TES: variants seen among roughly 807,000 people sequenced by gnomAD.
TES encodes the protein testin.
Under a neutral mutation model 48.2 loss-of-function variants are expected in TES, and 41 were observed. The observed-to-expected ratio is 0.85, with a 90% CI of 0.66 to 1.10. The LOEUF (loss-of-function observed/expected upper bound fraction) is 1.10, where lower values mean the gene tolerates loss of function less well. Among genes scored for constraint, TES ranks in the 50% least tolerant of loss-of-function variants. The pLI is 0.00. For missense variants in TES, 463 were observed against 515.1 expected (o/e 0.90, Z 0.98); for synonymous variants, 162 against 174.9 (o/e 0.93, Z 0.58).
chr7:116,218,626 A>T (rs1799521421), intron 1 of TES, among the ~76,000 whole-genome samples: 1 of 152,124 alleles, frequency 6.6e-6, no homozygotes, highest in Non-Finnish European at 1.5e-5. Context: ...TTAGATTTAA[A>T]ACTACAGACT....
chr7:116,218,562 TG>T (rs998699114), intron 1 of TES, among the ~76,000 whole-genome samples: 5 of 152,132 alleles, frequency 3.3e-5, no homozygotes. Flanking sequence ...TAAAAATAAC[TG>T]GGGGTTAAAA....
intron 1 of TES, chr7:116,222,941 T>C: frequency 1.0e-6 from 1 of 983,760 alleles, no homozygotes; most frequent in African/African-American, 1.7e-5. Flanking sequence ...TGTGACATTT[T>C]TATAGCCCTA....
chr7:116,246,946 C>CTTTTTTT (rs148032626), intron 2 of TES, among the ~76,000 whole-genome samples: 3 of 131,044 alleles, frequency 2.3e-5, no homozygotes, highest in African/African-American at 2.9e-5. Flanking sequence ...AGACTAGGCC[C>CTTTTTTT]CTTTTTTTTT....
intron 6 of TES, among the ~76,000 whole-genome samples, chr7:116,256,156 C>T (rs563233071): frequency 6.6e-6 from 1 of 152,234 alleles, no homozygotes; most frequent in African/African-American, 2.4e-5. Flanking sequence ...TAATCAGAAG[C>T]AATGTAACAA....
chr7:116,228,376 T>C (rs1302856788), intron 1 of TES, among the ~76,000 whole-genome samples: 2 of 152,222 alleles, frequency 1.3e-5, no homozygotes, highest in African/African-American at 4.8e-5. Context: ...GGACCTGTTT[T>C]CTTGGACGCT....
At chr7:116,224,738 T>A (rs2116581193) in intron 1 of TES, among the ~76,000 whole-genome samples, 1 of 152,282 alleles carries the variant, frequency 6.6e-6, no homozygotes, top group Non-Finnish European at 1.5e-5. Flanking sequence ...AGGTTTTGCC[T>A]AGGATGGAGG....
chr7:116,217,832 C>A (rs1584609056), intron 1 of TES: 1 of 517,094 alleles, frequency 1.9e-6, no homozygotes, highest in East Asian at 5.5e-5. Flanking sequence ...AAAAGAGCTG[C>A]CATTTAGCAT....
chr7:116,237,401 C>T (rs865996186), intron 2 of TES, among the ~76,000 whole-genome samples: 1 of 152,194 alleles, frequency 6.6e-6, no homozygotes, highest in Non-Finnish European at 1.5e-5. Flanking sequence ...TCCCACTGGA[C>T]TTCTTTTAGG....
At chr7:116,244,545 C>T (rs973586590) in intron 2 of TES, among the ~76,000 whole-genome samples, 3 of 152,356 alleles carry the variant, frequency 2.0e-5, no homozygotes, top group Non-Finnish European at 4.4e-5. Flanking sequence ...GCCCCTGTGG[C>T]TTTGCAAGGT....
chr7:116,224,650 G>C (rs896704300), intron 1 of TES, among the ~76,000 whole-genome samples: 2 of 151,972 alleles, frequency 1.3e-5, no homozygotes, highest in African/African-American at 4.8e-5. Context: ...ATCCCCTTGT[G>C]TGTGAATTTA....
Position 116,251,972 on chromosome 7 carries a change from CGAG to C in TES, c.917_918+1del. The C allele has an allele frequency of 1.2e-6, 2 of 1,614,020 alleles. No individual in the cohort carries two copies. The highest frequency in any genetic ancestry group is 1.7e-6 in the Non-Finnish European group (2 of 1,179,988). On this transcript the variant is annotated inframe_deletion and splice_region_variant, in exon 5 of 7. Coordinates refer to ENST00000358204, the MANE Select transcript of TES (RefSeq NM_015641.4). ...AGAAACCCCGATGTGCTGGCTGTGACGAGGTATGTTCTATGGGACCACCGGCAT... is the reference window on the plus strand; with the variant it reads ...AGAAACCCCGATGTGCTGGCTGTGACGTATGTTCTATGGGACCACCGGCAT...
rs990565970 is a variant in TES, at chr7:116,223,807, C to G, written c.28-10727C>G. Among the ~76,000 whole-genome samples, 3 of 152,170 alleles carry G rather than the reference C, an allele frequency of 2.0e-5. No individual in the cohort carries two copies. The South Asian group carries it at 6.2e-4, about 32-fold the overall frequency. ...GTGGTAGATAAGTACCCCATATACC[C>G]CTGTTCCCCTTTATAATATGTCTGT... is the stretch of plus-strand genomic sequence containing the variant. On this transcript the variant is annotated intron_variant, in intron 1 of 6. Transcript: ENST00000358204.
intron 1 of TES, among the ~76,000 whole-genome samples, chr7:116,227,594 A>C (rs1429751706): frequency 2.0e-5 from 3 of 152,186 alleles, no homozygotes; most frequent in Non-Finnish European, 4.4e-5. Context: ...AAGAGGAATT[A>C]TTTAGATATG....
intron 1 of TES, among the ~76,000 whole-genome samples, 198 bp from the exon 2 acceptor site, chr7:116,234,336 G>A (rs573228919): frequency 6.6e-6 from 1 of 152,160 alleles, no homozygotes; most frequent in South Asian, 2.1e-4. Flanking sequence ...ATGATAAAAA[G>A]CAATCAGAAT....
At chr7:116,241,526 T>C (rs1413024653) in intron 2 of TES, among the ~76,000 whole-genome samples, 1 of 152,190 alleles carries the variant, frequency 6.6e-6, no homozygotes, top group Non-Finnish European at 1.5e-5. Flanking sequence ...CCCACCCTTC[T>C]TGGGTCACAT....
chr7:116,226,647 C>A (rs1799624794), intron 1 of TES, among the ~76,000 whole-genome samples: 1 of 152,166 alleles, frequency 6.6e-6, no homozygotes, highest in African/African-American at 2.4e-5. Context: ...AATAGCAATA[C>A]AACGTCATAC....
intron 1 of TES, chr7:116,217,803 C>T (rs1363679698): frequency 7.7e-6 from 4 of 518,320 alleles, no homozygotes; most frequent in Non-Finnish European, 1.5e-5. Context: ...TGCCCAACTA[C>T]AATCTTTGAC....
chr7:116,219,270 A>G (rs535725676), intron 1 of TES, among the ~76,000 whole-genome samples: 10 of 152,314 alleles, frequency 6.6e-5, no homozygotes. Context: ...CTCTTCTAAA[A>G]TAAAGCTAAA....
intron 2 of TES, among the ~76,000 whole-genome samples, chr7:116,246,496 T>G (rs1799924769): frequency 6.6e-6 from 1 of 152,222 alleles, no homozygotes; most frequent in Non-Finnish European, 1.5e-5. Context: ...AAGCCCAAAT[T>G]CCTTAATGTG....
Sources: allele counts gnomAD v4.1 joint callset (sites outside exome capture counted in the v4.1 genomes callset), GRCh38; gene constraint gnomAD v4.1.1; transcripts MANE v1.5; gene names NCBI Gene and HGNC (gene_info 2026-07-23, HGNC 2026-07-21).